The following SEC14L5 variants were observed in gnomAD, a reference collection of about 807,000 sequenced individuals.
SEC14L5 encodes the protein SEC14 like lipid binding 5.
SEC14L5 carries 96 observed loss-of-function variants against 84.6 expected under a neutral mutation model. That is an observed-to-expected ratio of 1.13 (90% confidence interval 0.96 to 1.34). SEC14L5 has a LOEUF of 1.34. SEC14L5 is among the 40% of genes most tolerant of loss of function. The probability of loss-of-function intolerance (pLI) is 0.00; values close to 1 mark genes in which losing one functional copy is unlikely to be tolerated. For synonymous variants in SEC14L5, 546 were observed against 383.4 expected, an observed-to-expected ratio of 1.42 and a Z score of -4.95; for missense variants, 1,224 against 942.5, an observed-to-expected ratio of 1.30 and a Z score of -3.91.
At chr16:5,003,127 G>C (rs1287628333) in intron 10 of SEC14L5, among the ~76,000 whole-genome samples, 1 of 152,242 alleles carries the variant, frequency 6.6e-6, no homozygotes, top group Non-Finnish European at 1.5e-5. Flanking sequence ...CTTCAGATGA[G>C]GACTGTTACT....
In SEC14L5 at chr16:4,978,844, G is replaced by A. The variant is rs1056886506; in HGVS notation, c.64-8713G>A. On this transcript the variant is annotated intron_variant, in intron 2 of 15. Transcript: ENST00000251170. ...TCTCGATCGCTTGACCTCGTGATCT[G>A]CCCGCCTTGGCCTCCCAAAGTGCTG... is the stretch of plus-strand genomic sequence containing the variant. 5.9e-5 allele frequency among the ~76,000 whole-genome samples: 9 copies of A among 152,150 alleles called. No homozygotes were observed. The South Asian group carries it at 1.2e-3, about 21-fold the overall frequency.
At chr16:4,985,673 T>C (rs999445676) in intron 2 of SEC14L5, among the ~76,000 whole-genome samples, 1 of 152,074 alleles carries the variant, frequency 6.6e-6, no homozygotes, top group South Asian at 2.1e-4. Context: ...GATGCTAAAT[T>C]CTTTTCCACT....
At chr16:4,970,182 C>T (rs1183305046) in intron 2 of SEC14L5, among the ~76,000 whole-genome samples, 1 of 152,086 alleles carries the variant, frequency 6.6e-6, no homozygotes, top group Non-Finnish European at 1.5e-5. Context: ...GAGGGGGTGA[C>T]AGACAAATGC....
At chr16:5,000,548 G>A in intron 8 of SEC14L5, 107 bp from the exon 9 acceptor site, 1 of 801,350 alleles carries the variant, frequency 1.2e-6, no homozygotes, top group Non-Finnish European at 2.0e-6. Context: ...GGCCTTGGTG[G>A]GTTGCAGCCT....
chr16:4,998,192 GAT>G (rs1955633448), intron 8 of SEC14L5, among the ~76,000 whole-genome samples: 1 of 151,348 alleles, frequency 6.6e-6, no homozygotes, highest in African/African-American at 2.4e-5. Flanking sequence ...TTTTAGTAGA[GAT>G]GGGGTTTCAC....
At chr16:4,987,765 G>A in intron 3 of SEC14L5, 59 bp downstream of exon 3, 1 of 1,321,172 alleles carries the variant, frequency 7.6e-7, no homozygotes, top group African/African-American at 1.5e-5. Flanking sequence ...GTGCGGGAGG[G>A]CTGGGCGCGG....
At chr16:4,989,035 T>C (rs910454765) in intron 4 of SEC14L5, among the ~76,000 whole-genome samples, 7 of 152,218 alleles carry the variant, frequency 4.6e-5, no homozygotes, top group Non-Finnish European at 1.0e-4. Context: ...CATGGAGGAC[T>C]GGGAACAGCA....
At chr16:5,009,644 C>G (rs1200707721) in intron 14 of SEC14L5, among the ~76,000 whole-genome samples, 1 of 152,066 alleles carries the variant, frequency 6.6e-6, no homozygotes, top group Admixed American at 6.6e-5. Context: ...TCCTTAACCA[C>G]AAAGACTCTA....
At chr16:5,002,882 A>C (rs1955692082) in intron 10 of SEC14L5, among the ~76,000 whole-genome samples, 1 of 152,224 alleles carries the variant, frequency 6.6e-6, no homozygotes, top group Non-Finnish European at 1.5e-5. Flanking sequence ...GCATCTTTTC[A>C]ACAATTAACT....
At chr16:4,964,729 C>T (rs1288932105) in intron 2 of SEC14L5, among the ~76,000 whole-genome samples, 1 of 152,252 alleles carries the variant, frequency 6.6e-6, no homozygotes, top group South Asian at 2.1e-4. Flanking sequence ...AGCCACTGTG[C>T]CCCACCTCTT....
chr16:4,987,641 G>C lies in SEC14L5; in HGVS notation c.148G>C (p.Gly50Arg), dbSNP rs540402120. 4.8e-5 allele frequency: 75 copies of C among 1,555,000 alleles called. No homozygotes were observed. Among genetic ancestry groups the C allele is most frequent in the Non-Finnish European group, 6.3e-5 (72 of 1,150,920 alleles). The change falls in exon 3 of 16, where the codon GGG (glycine) becomes CGG (arginine). Residue 50 changes from glycine (G) to arginine (R), a missense_variant. By Grantham distance (125) the Gly-to-Arg change is moderately radical. Transcript: ENST00000251170. ...EVLRESRSPDGAVHVVERSCR... is the reference protein window; with the variant it reads ...EVLRESRSPDRAVHVVERSCR... ...CTTGCGCGAGTCCCGCAGCCCGGAC[G>C]GGGCTGTGCACGTGGTGGAGCGGAG...
In SEC14L5 at chr16:5,000,891, G is replaced by A. The variant is rs765443934; in HGVS notation, c.1096G>A (p.Glu366Lys). 1.9e-5 allele frequency: 31 copies of A among 1,609,210 alleles called. No individual in the cohort carries two copies. The highest frequency in any genetic ancestry group is 2.5e-5 in the Non-Finnish European group (30 of 1,177,968). ...CAACGAGGAAGGACAGAAGCGGTGT[G>A]AGGGGAGCACAAGGCAGCTGGGCCG... ...SVNEEGQKRC[E>K]GSTRQLGRPI... is the part of the protein sequence containing the mutation. Residue 366 changes from glutamate to lysine, a missense_variant, in exon 10 of 16, where the codon GAG becomes AAG. Transcript: ENST00000251170.
chr16:4,972,520 T>G (rs1471671959), intron 2 of SEC14L5, among the ~76,000 whole-genome samples: 1 of 152,162 alleles, frequency 6.6e-6, no homozygotes, highest in Non-Finnish European at 1.5e-5. Flanking sequence ...TATTAACCAC[T>G]ATTCTATTTG....
At chr16:5,007,513 C>G (rs370817022) in intron 13 of SEC14L5, 27 bp downstream of exon 13, 1 of 1,608,690 alleles carries the variant, frequency 6.2e-7, no homozygotes, top group African/African-American at 1.3e-5. Context: ...GGGGAGGGCC[C>G]GCTGAGCTGG....
intron 13 of SEC14L5, among the ~76,000 whole-genome samples, chr16:5,008,136 G>A (rs939148547): frequency 2.0e-5 from 3 of 151,886 alleles, no homozygotes; most frequent in Middle Eastern, 3.4e-3. Flanking sequence ...GACTGGTCTC[G>A]AACTCCTGAC....
At chr16:5,000,953 C>T in intron 10 of SEC14L5, 28 bp downstream of exon 10, 8 of 1,567,614 alleles carry the variant, frequency 5.1e-6, no homozygotes, top group Non-Finnish European at 7.0e-6. Flanking sequence ...GCACAAATCC[C>T]CCCTAAACAG....
intron 2 of SEC14L5, among the ~76,000 whole-genome samples, chr16:4,975,370 G>T (rs1206102258): frequency 1.3e-5 from 2 of 151,026 alleles, no homozygotes; most frequent in African/African-American, 4.9e-5. Flanking sequence ...CTACTTGGGA[G>T]GCTGAGGCAG....
intron 2 of SEC14L5, among the ~76,000 whole-genome samples, chr16:4,967,982 CT>C (rs1427101830): frequency 6.4e-5 from 9 of 141,170 alleles, no homozygotes; most frequent in African/African-American, 2.4e-4. Context: ...TTCCCCTCCC[CT>C]CTCCTTCCCT....
rs1280000821 is a variant in SEC14L5, at chr16:4,988,150, T to A, written c.215T>A (p.Ile72Asn). 1.9e-6 allele frequency: 3 copies of A among 1,611,080 alleles called. No individual in the cohort carries two copies. The highest frequency in any genetic ancestry group is 2.5e-6 in the Non-Finnish European group (3 of 1,177,928). The change falls in exon 4 of 16, where the codon ATC (isoleucine) becomes AAC (asparagine). Residue 72 changes from isoleucine (I) to asparagine (N), a missense_variant and splice_region_variant. Coordinates refer to ENST00000251170, the MANE Select transcript of SEC14L5 (RefSeq NM_014692.2). ...RVDAPRLLRK[I>N]AGVEHVVFVQ... ...GCCTCCCCGCCCCTTCCCTTGCAGA[T>A]CGCAGGTGTTGAGCACGTGGTCTTC...
Sources: gnomAD v4.1 joint callset for allele counts (sites outside exome capture counted in the v4.1 genomes callset) on GRCh38, gnomAD v4.1.1 for gene constraint, MANE v1.5 for transcripts, NCBI Gene and HGNC (gene_info 2026-07-23, HGNC 2026-07-21) for gene names.